The following CAMK2D variants were observed in gnomAD, a reference collection of about 807,000 sequenced individuals.
CAMK2D encodes calcium/calmodulin dependent protein kinase II delta.
In CAMK2D, 37 loss-of-function variants were observed where a neutral mutation model predicts 84.0. The ratio of observed to expected loss-of-function variants is 0.44; its 90% CI spans 0.34 to 0.58. The LOEUF (loss-of-function observed/expected upper bound fraction) is 0.58. Among genes scored for constraint, CAMK2D ranks in the 20% least tolerant of loss-of-function variants. CAMK2D has a pLI of 0.02. For synonymous variants in CAMK2D, 202 were observed against 212.5 expected (o/e 0.95, Z 0.43); for missense variants, 448 against 652.5 (o/e 0.69, Z 3.41).
chr4:113,496,471 C>G (rs112356657), intron 16 of CAMK2D, among the ~76,000 whole-genome samples: 10,023 of 124,088 alleles, frequency 0.081, 492 homozygotes, highest in Middle Eastern at 0.17. Context: ...TTTTTTAAAG[C>G]AAAGTCTCAC....
At chr4:113,659,673 A>T (rs1315298597) in intron 3 of CAMK2D, among the ~76,000 whole-genome samples, 1 of 152,234 alleles carries the variant, frequency 6.6e-6, no homozygotes, top group Non-Finnish European at 1.5e-5. Context: ...TTCCAGAGCT[A>T]TGAGAAAATA....
chr4:113,479,412 T>C (rs2097671349), intron 16 of CAMK2D, among the ~76,000 whole-genome samples: 1 of 152,212 alleles, frequency 6.6e-6, no homozygotes, highest in Non-Finnish European at 1.5e-5. Context: ...CTTTGAGTTA[T>C]TACTTAAAAC....
chr4:113,463,741 T>C (rs898464134), intron 17 of CAMK2D, among the ~76,000 whole-genome samples: 1 of 152,192 alleles, frequency 6.6e-6, no homozygotes, highest in Non-Finnish European at 1.5e-5. Flanking sequence ...TCCTGCTTAA[T>C]TTTCAGTAAA....
intron 3 of CAMK2D, among the ~76,000 whole-genome samples, chr4:113,658,462 C>T (rs2099212428): frequency 6.6e-6 from 1 of 152,030 alleles, no homozygotes; most frequent in Non-Finnish European, 1.5e-5. Flanking sequence ...TTCCTTCCTC[C>T]CTTCTTTTAG....
intron 4 of CAMK2D, among the ~76,000 whole-genome samples, chr4:113,579,449 G>T (rs1444659686): frequency 1.3e-5 from 2 of 152,156 alleles, no homozygotes; most frequent in Non-Finnish European, 2.9e-5. Flanking sequence ...GGGTCATGGG[G>T]GTGGATCCCT....
At chr4:113,754,557 A>T (rs2099624107) in intron 2 of CAMK2D, 2 of 979,448 alleles carry the variant, frequency 2.0e-6, no homozygotes, top group Non-Finnish European at 2.4e-6. Flanking sequence ...TTCTCACACA[A>T]TCAGGTAGAG....
rs114075020 is a variant in CAMK2D at position 113,523,301 on chromosome 4, G to C, written c.602-5644C>G. 5.1e-3 allele frequency among the ~76,000 whole-genome samples: 784 copies of C among 152,244 alleles called. 7 individuals carry two copies. Among genetic ancestry groups the C allele is most frequent in the African/African-American group, 0.018 (730 of 41,562 alleles). On this transcript the variant is annotated intron_variant, in intron 8 of 20. Coordinates refer to ENST00000511664, the MANE Select transcript of CAMK2D (RefSeq NM_001321571.2). ...CTCCTAAAGGAATCTGAAATTAGCTGTGGTAGTATTGCTTAGCTTTGGTGT... is the reference window on the plus strand; with the variant it reads ...CTCCTAAAGGAATCTGAAATTAGCTCTGGTAGTATTGCTTAGCTTTGGTGT...
intron 4 of CAMK2D, among the ~76,000 whole-genome samples, chr4:113,605,298 T>C (rs1010014164): frequency 2.0e-5 from 3 of 152,210 alleles, no homozygotes; most frequent in Admixed American, 6.5e-5. Context: ...CTTTTAAGGG[T>C]ATAAAAGCCT....
chr4:113,723,243 G>A (rs1448375931), intron 2 of CAMK2D, among the ~76,000 whole-genome samples: 1 of 62,024 alleles, frequency 1.6e-5, no homozygotes, highest in Non-Finnish European at 3.3e-5. Context: ...TTTTTTTTTT[G>A]AGACAGAGTC....
rs148941012 is a variant in CAMK2D, at chr4:113,622,752, A to G, written c.221-13546T>C. Reference sequence around the variant, plus strand: ...GCGCTCCAACCTGGGTGACAATGAAACCCTGCCTCAAAAATATATAAATAT... The same window carrying G: ...GCGCTCCAACCTGGGTGACAATGAAGCCCTGCCTCAAAAATATATAAATAT... On this transcript the variant is annotated intron_variant, in intron 3 of 20. Coordinates refer to ENST00000511664, the MANE Select transcript of CAMK2D (RefSeq NM_001321571.2). Among the ~76,000 whole-genome samples the G allele has an allele frequency of 6.2e-4, 94 of 152,242 alleles. 1 individual carries two copies. The highest frequency in any genetic ancestry group is 3.4e-3 in the Middle Eastern group (1 of 294).
intron 16 of CAMK2D, among the ~76,000 whole-genome samples, chr4:113,478,981 T>C (rs958323557): frequency 1.3e-5 from 2 of 152,288 alleles, no homozygotes; most frequent in Admixed American, 1.3e-4. Context: ...ACATTTACCA[T>C]CTGTGTTTTG....
chr4:113,456,192 T>G (rs377405770), intron 19 of CAMK2D, among the ~76,000 whole-genome samples: 1 of 152,198 alleles, frequency 6.6e-6, no homozygotes, highest in Non-Finnish European at 1.5e-5. Context: ...TGAAAACCAC[T>G]GTGGTATGCT....
intron 1 of CAMK2D, among the ~76,000 whole-genome samples, chr4:113,760,041 T>C (rs1021859910): frequency 1.3e-5 from 2 of 152,204 alleles, no homozygotes; most frequent in Non-Finnish European, 2.9e-5. Context: ...ACCTTTCCTT[T>C]AATTACAGTA....
chr4:113,585,844 G>A (rs2098831853), intron 4 of CAMK2D, among the ~76,000 whole-genome samples: 1 of 152,096 alleles, frequency 6.6e-6, no homozygotes, highest in Non-Finnish European at 1.5e-5. Flanking sequence ...CTTAAGTATT[G>A]CATCCAGTAT....
chr4:113,461,672 C>T (rs918050701), intron 17 of CAMK2D, among the ~76,000 whole-genome samples: 5 of 152,100 alleles, frequency 3.3e-5, no homozygotes, highest in Non-Finnish European at 5.9e-5. Flanking sequence ...TGGGAGTTCA[C>T]AAGGTAGATC....
At chr4:113,712,936 CA>C in intron 2 of CAMK2D, among the ~76,000 whole-genome samples, 1 of 151,884 alleles carries the variant, frequency 6.6e-6, no homozygotes, top group Non-Finnish European at 1.5e-5. Context: ...CACAAATATG[CA>C]ATACTGTTTT....
chr4:113,562,800 A>G (rs570190624), intron 4 of CAMK2D, among the ~76,000 whole-genome samples: 1 of 152,380 alleles, frequency 6.6e-6, no homozygotes, highest in South Asian at 2.1e-4. Flanking sequence ...AGTTTGGTTC[A>G]ATAAATTGTT....
chr4:113,515,911 C>G (rs1158998708), intron 9 of CAMK2D, among the ~76,000 whole-genome samples: 1 of 152,148 alleles, frequency 6.6e-6, no homozygotes, highest in African/African-American at 2.4e-5. Flanking sequence ...AGCTACTTCT[C>G]CTTTCTTTAC....
At chr4:113,617,936 GAC>G (rs1171599461) in intron 3 of CAMK2D, among the ~76,000 whole-genome samples, 1 of 114,680 alleles carries the variant, frequency 8.7e-6, no homozygotes, top group Admixed American at 8.8e-5. Flanking sequence ...ACAACACACA[GAC>G]ACACACACAT....
Sources: allele counts gnomAD v4.1 joint callset (sites outside exome capture counted in the v4.1 genomes callset), GRCh38; gene constraint gnomAD v4.1.1; transcripts MANE v1.5; gene names NCBI Gene and HGNC (gene_info 2026-07-23, HGNC 2026-07-21).